Variants in PIK3R1 observed in about 807,000 individuals in gnomAD.
The protein encoded by PIK3R1 is phosphatidylinositol 3-kinase regulatory subunit alpha.
A neutral mutation model predicts 98.0 loss-of-function variants in PIK3R1; 29 were observed. That is an observed-to-expected ratio of 0.30 (90% CI 0.22 to 0.40). PIK3R1 has a LOEUF of 0.40. PIK3R1 is among the 10% of genes least tolerant of loss of function. PIK3R1 has a pLI of 1.00. For missense variants in PIK3R1, 596 were observed against 872.7 expected (o/e 0.68, Z 3.99); for synonymous variants, 282 against 311.8 (o/e 0.90, Z 1.01).
chr5:68,282,197 T>C (rs1209938889), intron 7 of PIK3R1, among the ~76,000 whole-genome samples: 1 of 152,104 alleles, frequency 6.6e-6, no homozygotes, highest in Non-Finnish European at 1.5e-5. Context: ...TGTCAACAGG[T>C]AGGGACTAGG....
intron 2 of PIK3R1, among the ~76,000 whole-genome samples, chr5:68,262,610 T>C (rs140119309): frequency 0.024 from 3,432 of 144,754 alleles, 81 homozygotes; most frequent in South Asian, 0.041. Flanking sequence ...TATACACATG[T>C]ATACACATGT....
intron 7 of PIK3R1, chr5:68,288,826 C>CGT: frequency 7.0e-7 from 1 of 1,432,980 alleles, no homozygotes; most frequent in Non-Finnish European, 9.8e-7. Context: ...TCTTGGAGTA[C>CGT]GTGTGTGTGC....
intron 2 of PIK3R1, among the ~76,000 whole-genome samples, chr5:68,266,470 GA>G (rs1746127429): frequency 6.6e-6 from 1 of 152,120 alleles, no homozygotes; most frequent in African/African-American, 2.4e-5. Context: ...TAATGAGAGG[GA>G]ATATATTAAC....
intron 2 of PIK3R1, among the ~76,000 whole-genome samples, chr5:68,240,982 G>A (rs920250264): frequency 1.3e-5 from 2 of 152,110 alleles, no homozygotes; most frequent in African/African-American, 4.8e-5. Flanking sequence ...TTGATTCAGT[G>A]GACTCCTAAG....
At chr5:68,224,739 A>C (rs560004747) in intron 1 of PIK3R1, among the ~76,000 whole-genome samples, 2 of 152,314 alleles carry the variant, frequency 1.3e-5, no homozygotes, top group South Asian at 4.1e-4. Flanking sequence ...GCTTAACTGA[A>C]ACCTTTGGGT....
chr5:68,276,751 T>A (rs1196979849), intron 4 of PIK3R1, among the ~76,000 whole-genome samples: 17 of 152,196 alleles, frequency 1.1e-4, no homozygotes, highest in Admixed American at 1.1e-3. Flanking sequence ...CATAGGATAA[T>A]TTTATTCATA....
At chr5:68,295,884 C>T (rs566952269) in intron 14 of PIK3R1, 14 of 469,068 alleles carry the variant, frequency 3.0e-5, no homozygotes, top group East Asian at 1.8e-4. Flanking sequence ...ACTGGATAAA[C>T]GAGATTGTTT....
chr5:68,248,003 T>A (rs1202412237), intron 2 of PIK3R1, among the ~76,000 whole-genome samples: 1 of 152,158 alleles, frequency 6.6e-6, no homozygotes, highest in Non-Finnish European at 1.5e-5. Flanking sequence ...ATGTTCTTTT[T>A]TTTTTTTTGA....
chr5:68,297,425 G>T lies in PIK3R1; in HGVS notation c.1999G>T (p.Val667Leu), dbSNP rs1376924981. The T allele has an allele frequency of 6.2e-7, 1 of 1,613,670 alleles. No individual in the cohort carries two copies. The highest frequency in any genetic ancestry group is 1.7e-5 in the Admixed American group (1 of 59,978). ...YACSVVVDGE[V>L]KHCVINKTAT... Reference sequence around the variant, plus strand: ...TCTCCTCTCTAGGGTGGACGGCGAAGTAAAGCATTGTGTCATAAACAAAAC... The same window carrying T: ...TCTCCTCTCTAGGGTGGACGGCGAATTAAAGCATTGTGTCATAAACAAAAC... Residue 667 changes from valine to leucine, a missense_variant, in exon 16 of 16, where the codon GTA (valine) becomes TTA (leucine). By Grantham distance (32) the Val-to-Leu change is conservative. This residue lies in a region of PIK3R1 where 207 missense variants were observed against 361.4 expected (regional missense o/e 0.57). Transcript: ENST00000521381.
At chr5:68,288,480 A>T in intron 7 of PIK3R1, 3 of 1,307,144 alleles carry the variant, frequency 2.3e-6, no homozygotes, top group Non-Finnish European at 2.9e-6. Flanking sequence ...GGTGGCCCGG[A>T]CGCACTGCCG....
At chr5:68,227,887 T>C (rs1367511478) in intron 2 of PIK3R1, among the ~76,000 whole-genome samples, 2 of 152,246 alleles carry the variant, frequency 1.3e-5, no homozygotes, top group African/African-American at 4.8e-5. Context: ...AAACCACTTA[T>C]TGCTTATTGG....
intron 1 of PIK3R1, among the ~76,000 whole-genome samples, chr5:68,223,307 A>G (rs1287299325): frequency 6.6e-6 from 1 of 151,974 alleles, no homozygotes; most frequent in Non-Finnish European, 1.5e-5. Flanking sequence ...CTGTCTAGCT[A>G]AGGGCTCTCT....
At chr5:68,227,416 C>G (rs1372351743) in intron 2 of PIK3R1, among the ~76,000 whole-genome samples, 4 of 152,124 alleles carry the variant, frequency 2.6e-5, no homozygotes, top group Non-Finnish European at 4.4e-5. Flanking sequence ...TTAGAGCATT[C>G]CAGAATTCAG....
At chr5:68,230,916 GGT>G (rs1744441033) in intron 2 of PIK3R1, among the ~76,000 whole-genome samples, 1 of 151,982 alleles carries the variant, frequency 6.6e-6, no homozygotes. Flanking sequence ...GTGCAAGGTG[GGT>G]GTTACATGTC....
chr5:68,264,433 T>C (rs1217939118), intron 2 of PIK3R1, among the ~76,000 whole-genome samples: 2 of 152,266 alleles, frequency 1.3e-5, no homozygotes, highest in African/African-American at 4.8e-5. Context: ...TGTAAAATCC[T>C]AGCTTTATTT....
At chr5:68,285,290 A>G (rs1281134923) in intron 7 of PIK3R1, among the ~76,000 whole-genome samples, 2 of 152,230 alleles carry the variant, frequency 1.3e-5, no homozygotes, top group Non-Finnish European at 2.9e-5. Flanking sequence ...GGCACATTGC[A>G]AAACATTCAT....
intron 5 of PIK3R1, chr5:68,280,155 G>A (rs1033659154): frequency 3.2e-6 from 1 of 313,908 alleles, no homozygotes; most frequent in Non-Finnish European, 5.9e-6. Context: ...GTTCAGTTAA[G>A]TGCTTTGGGG....
At chr5:68,262,670 T>C (rs1381763122) in intron 2 of PIK3R1, among the ~76,000 whole-genome samples, 7 of 125,718 alleles carry the variant, frequency 5.6e-5, no homozygotes, top group African/African-American at 1.7e-4. Context: ...TATACACATG[T>C]AGATACATGT....
intron 1 of PIK3R1, among the ~76,000 whole-genome samples, chr5:68,223,207 T>C (rs1744157541): frequency 6.6e-6 from 1 of 151,804 alleles, no homozygotes; most frequent in African/African-American, 2.4e-5. Context: ...GATTAACCCA[T>C]TCAGTCCTCA....
Sources: allele counts gnomAD v4.1 joint callset (sites outside exome capture counted in the v4.1 genomes callset), GRCh38; gene constraint gnomAD v4.1.1; regional missense constraint gnomAD v4.1.1; transcripts MANE v1.5; gene names NCBI Gene and HGNC (gene_info 2026-07-23, HGNC 2026-07-21).